DSCAM: variants seen among roughly 807,000 people sequenced by gnomAD.
DSCAM encodes the protein DS cell adhesion molecule.
A neutral mutation model predicts 217.7 loss-of-function variants in DSCAM; 47 were observed. That is an observed-to-expected ratio of 0.22 (90% CI 0.17 to 0.28). The LOEUF is 0.28. DSCAM is among the 10% of genes least tolerant of loss of function. The pLI, the probability that DSCAM is intolerant of heterozygous loss-of-function variation, is 1.00. For missense variants in DSCAM, 2,080 were observed against 2,618.3 expected, an observed-to-expected ratio of 0.79 and a Z score of 4.49; for synonymous variants, 1,056 against 1,015.3, an observed-to-expected ratio of 1.04 and a Z score of -0.76.
intron 11 of DSCAM, among the ~76,000 whole-genome samples, chr21:40,199,070 T>C (rs915050507): frequency 6.6e-6 from 1 of 152,082 alleles, no homozygotes; most frequent in Non-Finnish European, 1.5e-5. Context: ...GACTTAGATA[T>C]GAGTAACCAC....
intron 3 of DSCAM, among the ~76,000 whole-genome samples, chr21:40,470,452 A>G (rs1159326795): frequency 6.6e-6 from 1 of 152,244 alleles, no homozygotes; most frequent in Non-Finnish European, 1.5e-5. Context: ...AGGCTGTCCA[A>G]GAGTCCAAGA....
chr21:40,126,636 T>TA (rs2090096801), intron 19 of DSCAM, among the ~76,000 whole-genome samples: 2 of 152,214 alleles, frequency 1.3e-5, no homozygotes, highest in Admixed American at 1.3e-4. Context: ...TATTTATATG[T>TA]TTTAAGTTAA....
At chr21:40,685,190 T>C (rs1216185765) in intron 3 of DSCAM, among the ~76,000 whole-genome samples, 1 of 152,158 alleles carries the variant, frequency 6.6e-6, no homozygotes, top group Non-Finnish European at 1.5e-5. Flanking sequence ...TGTATGAAAA[T>C]GAAGATGAGC....
intron 1 of DSCAM, among the ~76,000 whole-genome samples, chr21:40,715,247 A>ATGCC: frequency 6.6e-6 from 1 of 152,360 alleles, no homozygotes; most frequent in South Asian, 2.1e-4. Context: ...GTTTCATTAT[A>ATGCC]TGCCTGCCTT....
intron 8 of DSCAM, among the ~76,000 whole-genome samples, chr21:40,317,467 T>G (rs1184983386): frequency 6.6e-6 from 1 of 152,126 alleles, no homozygotes; most frequent in Admixed American, 6.6e-5. Flanking sequence ...ATCTATCAAG[T>G]TTATCTTTTT....
chr21:40,211,358 C>A (rs1430509994), intron 11 of DSCAM, among the ~76,000 whole-genome samples: 1 of 152,142 alleles, frequency 6.6e-6, no homozygotes, highest in Non-Finnish European at 1.5e-5. Context: ...TTTTATATAA[C>A]TTTTTGTGAA....
intron 11 of DSCAM, among the ~76,000 whole-genome samples, chr21:40,231,472 CTTG>C (rs1351399836): frequency 2.6e-5 from 4 of 151,862 alleles, no homozygotes; most frequent in Non-Finnish European, 4.4e-5. Context: ...TGTAAGAAAA[CTTG>C]TTGATTTTCA....
At chr21:40,108,922 G>A (rs2089857687) in intron 20 of DSCAM, among the ~76,000 whole-genome samples, 1 of 152,152 alleles carries the variant, frequency 6.6e-6, no homozygotes, top group African/African-American at 2.4e-5. Flanking sequence ...TTCAATAAAT[G>A]GTGCTGGGAT....
chr21:40,585,440 A>AAAAGAAAG (rs1568922560), intron 3 of DSCAM, among the ~76,000 whole-genome samples: 2 of 79,484 alleles, frequency 2.5e-5, no homozygotes, highest in African/African-American at 3.9e-5. Context: ...AAAAAAAAAA[A>AAAAGAAAG]AAAGAAAAAT....
intron 3 of DSCAM, among the ~76,000 whole-genome samples, chr21:40,631,676 G>A (rs1343064774): frequency 6.6e-6 from 1 of 152,192 alleles, no homozygotes; most frequent in Non-Finnish European, 1.5e-5. Context: ...GGTGTTCCAT[G>A]TTTACTGGAA....
At chr21:40,482,690 T>A (rs1418384047) in intron 3 of DSCAM, among the ~76,000 whole-genome samples, 2 of 152,154 alleles carry the variant, frequency 1.3e-5, no homozygotes, top group Non-Finnish European at 2.9e-5. Context: ...CAGAGGGCAA[T>A]AAATGTTTGA....
intron 3 of DSCAM, among the ~76,000 whole-genome samples, chr21:40,455,015 TC>T (rs1166660740): frequency 6.6e-6 from 1 of 152,162 alleles, no homozygotes; most frequent in Non-Finnish European, 1.5e-5. Flanking sequence ...AGAAGGTACT[TC>T]CCTGTAAATG....
chr21:40,366,788 C>T (rs950030411), intron 4 of DSCAM, among the ~76,000 whole-genome samples: 1 of 152,170 alleles, frequency 6.6e-6, no homozygotes, highest in East Asian at 1.9e-4. Flanking sequence ...AAGGACTCGA[C>T]ATTTAGCCCA....
At chr21:40,216,697 A>T (rs2091246650) in intron 11 of DSCAM, among the ~76,000 whole-genome samples, 1 of 152,238 alleles carries the variant, frequency 6.6e-6, no homozygotes, top group Non-Finnish European at 1.5e-5. Flanking sequence ...TGCACCTGGC[A>T]GATGAGACTG....
intron 8 of DSCAM, 116 bp downstream of exon 8, chr21:40,337,985 T>C (rs1024218899): frequency 2.3e-6 from 3 of 1,306,322 alleles, no homozygotes; most frequent in Admixed American, 4.0e-5. Context: ...CTTCAGCCTG[T>C]ACAATTATCC....
intron 3 of DSCAM, among the ~76,000 whole-genome samples, chr21:40,558,619 G>C (rs908509200): frequency 2.6e-5 from 4 of 152,142 alleles, no homozygotes; most frequent in African/African-American, 7.2e-5. Context: ...CTCATTTAGA[G>C]CAAGACAGAA....
At chr21:40,112,418 T>C (rs1423322573) in intron 20 of DSCAM, among the ~76,000 whole-genome samples, 1 of 152,046 alleles carries the variant, frequency 6.6e-6, no homozygotes, top group Non-Finnish European at 1.5e-5. Flanking sequence ...TTTAAGACAG[T>C]ATGTAGAAGG....
At chr21:40,648,494 G>A (rs2089976323) in intron 3 of DSCAM, among the ~76,000 whole-genome samples, 1 of 152,118 alleles carries the variant, frequency 6.6e-6, no homozygotes, top group Non-Finnish European at 1.5e-5. Context: ...TCAAGCCGAA[G>A]ACAGTTTAAA....
chr21:40,606,715 C>G (rs1234772612), intron 3 of DSCAM, among the ~76,000 whole-genome samples: 1 of 152,206 alleles, frequency 6.6e-6, no homozygotes, highest in African/African-American at 2.4e-5. Flanking sequence ...TACCTTTTAG[C>G]TTCCATGGAA....
Sources: allele counts gnomAD v4.1 joint callset (sites outside exome capture counted in the v4.1 genomes callset), GRCh38; gene constraint gnomAD v4.1.1; transcripts MANE v1.5; gene names NCBI Gene and HGNC (gene_info 2026-07-23, HGNC 2026-07-21).